CELF2: variants seen among roughly 807,000 people sequenced by gnomAD.
The protein encoded by CELF2 is CUG triplet repeat RNA-binding protein 2.
Under a neutral mutation model 62.6 loss-of-function variants are expected in CELF2, and 8 were observed. The ratio of observed to expected loss-of-function variants is 0.13; its 90% CI spans 0.07 to 0.23. CELF2 has a LOEUF of 0.23. Ranked by LOEUF, CELF2 falls within the 10% of genes least tolerant of loss-of-function variation. The probability of loss-of-function intolerance (pLI) is 1.00; values close to 1 mark genes in which losing one functional copy is unlikely to be tolerated. For synonymous variants in CELF2, 258 were observed against 250.0 expected (o/e 1.03, Z -0.30); for missense variants, 333 against 671.0 (o/e 0.50, Z 5.56).
chr10:10,894,537 A>C (rs2062399032), intron 1 of CELF2, among the ~76,000 whole-genome samples: 1 of 152,248 alleles, frequency 6.6e-6, no homozygotes, highest in Non-Finnish European at 1.5e-5. Flanking sequence ...TTTAGCACAC[A>C]GACGTCCCAG....
chr10:10,640,356 A>T, the CELF2 span, among the ~76,000 whole-genome samples: 25,320 of 151,942 alleles, frequency 0.17, 2,654 homozygotes, highest in South Asian at 0.4. Context: ...GCTGTCTGGG[A>T]TCCTTCCCCC....
At chr10:11,099,274 C>T (rs2050769753) in intron 1 of CELF2, among the ~76,000 whole-genome samples, 1 of 152,210 alleles carries the variant, frequency 6.6e-6, no homozygotes, top group African/African-American at 2.4e-5. Flanking sequence ...CCCCATCCAT[C>T]ACATTGTACA....
chr10:10,746,771 A>G, the CELF2 span, among the ~76,000 whole-genome samples: 304 of 152,354 alleles, frequency 2.0e-3, no homozygotes, highest in Non-Finnish European at 3.2e-3. Context: ...ATGCTTTTAA[A>G]TTATTAAATG....
intron 1 of CELF2, among the ~76,000 whole-genome samples, chr10:11,133,301 G>C (rs1177304571): frequency 6.6e-6 from 1 of 152,138 alleles, no homozygotes; most frequent in Non-Finnish European, 1.5e-5. Flanking sequence ...TCTTACTTTA[G>C]AATGGAATTC....
At chr10:10,956,362 A>G (rs971507848) in intron 2 of CELF2, among the ~76,000 whole-genome samples, 3 of 152,184 alleles carry the variant, frequency 2.0e-5, no homozygotes, top group Non-Finnish European at 4.4e-5. Context: ...ACGAGGGGGA[A>G]GTGTTCCAGG....
intron 1 of CELF2, among the ~76,000 whole-genome samples, chr10:11,054,343 C>T (rs1026928095): frequency 4.6e-5 from 7 of 151,992 alleles, no homozygotes; most frequent in African/African-American, 1.7e-4. Flanking sequence ...GAGGAAGAGG[C>T]GGTTGATATT....
chr10:10,558,452 G>A, the CELF2 span, among the ~76,000 whole-genome samples: 34 of 152,204 alleles, frequency 2.2e-4, no homozygotes, highest in South Asian at 6.6e-3. Context: ...TTTTATTGAG[G>A]ACTTTTGCAT....
chr10:11,127,772 T>C (rs548190193), intron 1 of CELF2, among the ~76,000 whole-genome samples: 114 of 152,328 alleles, frequency 7.5e-4, no homozygotes, highest in African/African-American at 2.7e-3. Flanking sequence ...TTCTAGATTC[T>C]GGATATTAGC....
At chr10:10,857,722 C>T (rs1389015920) in intron 1 of CELF2, among the ~76,000 whole-genome samples, 2 of 122,272 alleles carry the variant, frequency 1.6e-5, no homozygotes, top group African/African-American at 3.2e-5. Flanking sequence ...TACAAAGAAA[C>T]AGGAAAATGT....
At position 10,938,024 on chromosome 10, in the gene CELF2, A is replaced by G. The variant is rs2046616524; in HGVS notation, c.89+18025A>G. Among the ~76,000 whole-genome samples, 1 of 152,220 alleles carries G rather than the reference A, an allele frequency of 6.6e-6. No homozygotes were observed. Among genetic ancestry groups the G allele is most frequent in the Non-Finnish European group, 1.5e-5 (1 of 68,044 alleles). On this transcript the variant is annotated intron_variant, in intron 2 of 13. Transcript: ENST00000636488. The surrounding 1 kb of genome is among the most constrained non-coding windows in gnomAD (Gnocchi z 4.2). ...TCTACTTTCGACTCTATTCCCATTC[A>G]GTCTATCCCCTCAACTAAAGTAAAC...
rs1057423418 is a variant in CELF2 at position 11,100,225 on chromosome 10, T to A, written c.75-65261T>A. Reference sequence around the variant, plus strand: ...TCTCAAAATAAATAAATAAATAAAATAAATAAATAAATAAATAAAGTTTAT... The same window carrying A: ...TCTCAAAATAAATAAATAAATAAAAAAAATAAATAAATAAATAAAGTTTAT... On this transcript the variant is annotated intron_variant, in intron 1 of 12. Transcript: ENST00000633077. Among the ~76,000 whole-genome samples the A allele has an allele frequency of 1.2e-4, 18 of 149,958 alleles. No individual in the cohort carries two copies. In the East Asian group the frequency reaches 2.3e-3, roughly 19 times the overall value.
At chr10:10,805,743 C>T (rs1214337312) in intron 1 of CELF2, among the ~76,000 whole-genome samples, 1 of 152,254 alleles carries the variant, frequency 6.6e-6, no homozygotes, top group Non-Finnish European at 1.5e-5. Context: ...GGAGTTTGAT[C>T]ATAGAGAGAG....
upstream of CELF2, among the ~76,000 whole-genome samples, chr10:11,004,905 A>C (rs2054929739): frequency 6.6e-6 from 1 of 152,200 alleles, no homozygotes; most frequent in African/African-American, 2.4e-5. The surrounding 1 kb of genome is among the most constrained non-coding windows in gnomAD (Gnocchi z 5.0). Context: ...GACCCATCCC[A>C]ATCTGTGGTT....
chr10:10,776,798 A>C, the CELF2 span: 1 of 153,052 alleles, frequency 6.5e-6, no homozygotes, highest in Non-Finnish European at 1.5e-5. Context: ...AAGCAGGGGT[A>C]CTAAATGATC....
chr10:11,265,024 A>G (rs1463845592), intron 5 of CELF2, among the ~76,000 whole-genome samples: 2 of 152,196 alleles, frequency 1.3e-5, no homozygotes, highest in African/African-American at 2.4e-5. Flanking sequence ...TCATGACTGG[A>G]TGTCGTTGTG....
chr10:10,948,502 A>C (rs2047947013), intron 2 of CELF2: 1 of 152,066 alleles, frequency 6.6e-6, no homozygotes, highest in African/African-American at 2.4e-5. Context: ...CTAAGACTTG[A>C]TGTTCTGCTA....
At chr10:10,692,406 C>T in the CELF2 span, among the ~76,000 whole-genome samples, 40 of 150,064 alleles carry the variant, frequency 2.7e-4, no homozygotes, top group Non-Finnish European at 4.9e-4. Context: ...GTTTTGGTTA[C>T]TGTAGCCTTG....
rs1470464627 is a variant in CELF2, at chr10:11,324,570, AC to A, written c.1295-1265del. On this transcript the variant is annotated intron_variant, in intron 11 of 12. Coordinates refer to ENST00000633077, the MANE Select transcript of CELF2 (RefSeq NM_001326342.2). This position sits in a 1 kb window ranked among gnomAD's most constrained non-coding sequence, Gnocchi z 4.7. ...GGAAAGTTACAGTAGTCATTAAGAC[AC>A]ACTTTTAAATGAGAAAGGAAGAGTT... is the stretch of plus-strand genomic sequence containing the variant. 1.3e-5 allele frequency among the ~76,000 whole-genome samples: 2 copies of A among 152,214 alleles called. No individual in the cohort carries two copies. Among genetic ancestry groups the A allele is most frequent in the Non-Finnish European group, 2.9e-5 (2 of 68,034 alleles).
intron 2 of CELF2, among the ~76,000 whole-genome samples, chr10:11,173,246 G>A (rs911661536): frequency 2.0e-5 from 3 of 152,182 alleles, no homozygotes; most frequent in Non-Finnish European, 4.4e-5. Context: ...CAGTTTCCTG[G>A]CCAGAAGGAG....
Sources: allele counts gnomAD v4.1 joint callset (sites outside exome capture counted in the v4.1 genomes callset), GRCh38; gene constraint gnomAD v4.1.1; non-coding constraint Gnocchi (gnomAD v3.1); transcripts MANE v1.5; gene names NCBI Gene and HGNC (gene_info 2026-07-23, HGNC 2026-07-21).